RASSF5: variants seen among roughly 807,000 people sequenced by gnomAD.
The protein encoded by RASSF5 is ras association domain-containing protein 5.
A neutral mutation model predicts 40.5 loss-of-function variants in RASSF5; 25 were observed. The observed-to-expected ratio is 0.62, with a 90% confidence interval of 0.45 to 0.86. The LOEUF (loss-of-function observed/expected upper bound fraction) is 0.86, where lower values mean the gene tolerates loss of function less well. RASSF5 is among the 40% of genes least tolerant of loss of function. The pLI is 0.00. For missense variants in RASSF5, 521 were observed against 572.8 expected, an observed-to-expected ratio of 0.91 and a Z score of 0.92; for synonymous variants, 246 against 252.4, an observed-to-expected ratio of 0.97 and a Z score of 0.24.
chr1:206,535,718 GT>G lies in RASSF5; in HGVS notation c.458-2453del, dbSNP rs1346175939. Reference sequence around the variant, plus strand: ...GTGTGTGTGTCTGTGTGTGTGTGGTGTGTGTGTGTGTGTGTGTGTGTGTGTG... The same window carrying G: ...GTGTGTGTGTCTGTGTGTGTGTGGTGGTGTGTGTGTGTGTGTGTGTGTGTG... On this transcript the variant is annotated intron_variant, in intron 1 of 5. Transcript: ENST00000579436. This position sits in a 1 kb window ranked among gnomAD's most constrained non-coding sequence, Gnocchi z 5.0. 0.099 allele frequency among the ~76,000 whole-genome samples: 11,288 copies of G among 113,740 alleles called. 876 individuals carry two copies. Among genetic ancestry groups the G allele is most frequent in the East Asian group, 0.24 (1,105 of 4,658 alleles). The allele number at this position is 113,740 out of a possible 152,430, so 74.6% of individuals were successfully genotyped here.
In RASSF5 at chr1:206,538,190, A is replaced by T; in HGVS notation, c.476A>T (p.His159Leu). The change falls in exon 2 of 6, where the codon CAC (histidine) becomes CTC (leucine). Residue 159 changes from histidine (H) to leucine (L), a missense_variant. Coordinates refer to ENST00000579436, the MANE Select transcript of RASSF5 (RefSeq NM_182663.4). ...LRCTNCKFTC[H>L]PECRSLIQLD... The stretch of plus-strand genomic sequence containing the variant: ...CCTCCAGACTGTAAATTCACCTGTC[A>T]CCCAGAATGCCGCAGCCTGATCCAG... The T allele has an allele frequency of 6.2e-7, 1 of 1,614,180 alleles. No individual in the cohort carries two copies. Among genetic ancestry groups the T allele is most frequent in the South Asian group, 1.1e-5 (1 of 91,082 alleles).
At chr1:206,521,480 G>A (rs552872104) in intron 1 of RASSF5, among the ~76,000 whole-genome samples, 1 of 152,238 alleles carries the variant, frequency 6.6e-6, no homozygotes, top group South Asian at 2.1e-4. Context: ...ACTAGAACTG[G>A]GCATACCTGC....
Position 206,557,515 on chromosome 1 carries a change from G to A in RASSF5, c.579+19222G>A, listed in dbSNP as rs548126357. On this transcript the variant is annotated intron_variant, in intron 2 of 5. Coordinates refer to ENST00000579436, the MANE Select transcript of RASSF5 (RefSeq NM_182663.4). ...GGAGGGGTGCCCACCTCCCTCCGCC[G>A]CATCCCAAGCCCGGCCCCCTTGATG... is the stretch of plus-strand genomic sequence containing the variant. The A allele has an allele frequency of 3.1e-6, 5 of 1,603,920 alleles. No homozygotes were observed. In the African/African-American group the frequency reaches 5.4e-5, roughly 17 times the overall value.
intron 2 of RASSF5, among the ~76,000 whole-genome samples, chr1:206,573,126 A>G (rs958858512): frequency 6.6e-5 from 10 of 152,160 alleles, no homozygotes; most frequent in African/African-American, 2.4e-4. Context: ...GAGGCCTGAG[A>G]TCTCATTTCA....
intron 1 of RASSF5, among the ~76,000 whole-genome samples, chr1:206,526,269 A>AGTGTGTGTGTGTGTGTGTGT (rs61263066): frequency 0.074 from 10,635 of 142,908 alleles, 500 homozygotes; most frequent in Middle Eastern, 0.16. Context: ...GCTTTCTGGC[A>AGTGTGTGTGTGTGTGTGTGT]GTGTGTGTGT....
At chr1:206,586,558 A>C in intron 5 of RASSF5, 2 of 320,168 alleles carry the variant, frequency 6.2e-6, no homozygotes, top group Non-Finnish European at 1.2e-5. Context: ...GCTACACAGA[A>C]ACTTAAGATT....
intron 1 of RASSF5, among the ~76,000 whole-genome samples, chr1:206,532,727 G>A (rs902881711): frequency 9.9e-5 from 15 of 152,160 alleles, no homozygotes; most frequent in Non-Finnish European, 1.0e-4. Context: ...GGTAGCTCTG[G>A]TGTCATCCAG....
intron 1 of RASSF5, among the ~76,000 whole-genome samples, chr1:206,516,724 T>A (rs1553395457): frequency 6.6e-6 from 1 of 152,200 alleles, no homozygotes; most frequent in African/African-American, 2.4e-5. Flanking sequence ...CCCAAAGCGC[T>A]GGGATTACGG....
At chr1:206,509,185 A>T (rs1386621209) in intron 1 of RASSF5, among the ~76,000 whole-genome samples, 1 of 152,228 alleles carries the variant, frequency 6.6e-6, no homozygotes, top group Non-Finnish European at 1.5e-5. Context: ...CACGTCTCCC[A>T]TCCAACTGCA....
chr1:206,548,222 C>T (rs1572330339), intron 2 of RASSF5, among the ~76,000 whole-genome samples: 1 of 151,966 alleles, frequency 6.6e-6, no homozygotes, highest in African/African-American at 2.4e-5. Context: ...GAAGGTATAC[C>T]TGAGACTGGG....
intron 2 of RASSF5, among the ~76,000 whole-genome samples, chr1:206,574,352 AG>A (rs1462336257): frequency 6.6e-6 from 1 of 152,174 alleles, no homozygotes; most frequent in Non-Finnish European, 1.5e-5. Context: ...CAGACTCCCA[AG>A]GACAGGGTCA....
intron 2 of RASSF5, among the ~76,000 whole-genome samples, chr1:206,545,856 A>C (rs1667669511): frequency 6.6e-6 from 1 of 151,844 alleles, no homozygotes. Flanking sequence ...ATAGGCAGCA[A>C]ATAGTTGGAT....
At chr1:206,514,246 C>T (rs1553395077) in intron 1 of RASSF5, among the ~76,000 whole-genome samples, 1 of 152,224 alleles carries the variant, frequency 6.6e-6, no homozygotes, top group African/African-American at 2.4e-5. Context: ...GGGGAGAATG[C>T]CCCACTTTGG....
In RASSF5 at chr1:206,513,934, C is replaced by T. The variant is rs1180697840; in HGVS notation, c.457+5875C>T. Among the ~76,000 whole-genome samples the T allele has an allele frequency of 6.6e-6, 1 of 152,218 alleles. No individual in the cohort carries two copies. Among genetic ancestry groups the T allele is most frequent in the Non-Finnish European group, 1.5e-5 (1 of 68,046 alleles). ...CCAAGGTCAAGACTATCTTGACTCACACCTGGGGAAGTGACTTTTGAGTTT... is the reference window on the plus strand; with the variant it reads ...CCAAGGTCAAGACTATCTTGACTCATACCTGGGGAAGTGACTTTTGAGTTT... On this transcript the variant is annotated intron_variant, in intron 1 of 5. Transcript: ENST00000579436. This position sits in a 1 kb window ranked among gnomAD's most constrained non-coding sequence, Gnocchi z 5.0.
At chr1:206,585,146 G>A in intron 4 of RASSF5, 34 bp from the exon 5 acceptor site, 1 of 1,551,080 alleles carries the variant, frequency 6.4e-7, no homozygotes, top group Non-Finnish European at 8.9e-7. Flanking sequence ...TTCTTTTCTG[G>A]GAAGAGCTCC....
chr1:206,578,656 C>T (rs1266852958), intron 2 of RASSF5, among the ~76,000 whole-genome samples: 1 of 152,150 alleles, frequency 6.6e-6, no homozygotes, highest in Admixed American at 6.5e-5. Flanking sequence ...AAAAAGTAGG[C>T]ACGGATGTAT....
chr1:206,559,388 G>A (rs533609909), intron 2 of RASSF5, among the ~76,000 whole-genome samples: 8 of 152,136 alleles, frequency 5.3e-5, no homozygotes, highest in South Asian at 2.1e-4. Context: ...AAAGATAACC[G>A]TTTCTGATAT....
At chr1:206,565,197 G>A (rs1405419421) in intron 2 of RASSF5, among the ~76,000 whole-genome samples, 2 of 151,756 alleles carry the variant, frequency 1.3e-5, no homozygotes, top group Non-Finnish European at 1.5e-5. Flanking sequence ...ATCTGTCCCC[G>A]CAGTGCTGCA....
At chr1:206,524,144 TTATATA>T (rs1336962033) in intron 1 of RASSF5, among the ~76,000 whole-genome samples, 15 of 132,292 alleles carry the variant, frequency 1.1e-4, no homozygotes, top group Admixed American at 4.1e-4. Flanking sequence ...GTAATATACT[TTATATA>T]TAATATAGAT....
Sources: gnomAD v4.1 joint callset for allele counts (sites outside exome capture counted in the v4.1 genomes callset) on GRCh38, gnomAD v4.1.1 for gene constraint, Gnocchi (gnomAD v3.1) non-coding constraint, MANE v1.5 for transcripts, NCBI Gene and HGNC (gene_info 2026-07-23, HGNC 2026-07-21) for gene names.